Variants in C1GALT1 observed in about 807,000 individuals in gnomAD.
The protein encoded by C1GALT1 is core 1 synthase, glycoprotein-N-acetylgalactosamine 3-beta-galactosyltransferase 1.
Under a neutral mutation model 31.0 loss-of-function variants are expected in C1GALT1, and 11 were observed. That is an observed-to-expected ratio of 0.36 (90% CI 0.22 to 0.59). C1GALT1 has a LOEUF of 0.59. Ranked by LOEUF, C1GALT1 falls within the 20% of genes least tolerant of loss-of-function variation. The probability of loss-of-function intolerance (pLI) is 0.79; values close to 1 mark genes in which losing one functional copy is unlikely to be tolerated. For synonymous variants in C1GALT1, 175 were observed against 143.6 expected (o/e 1.22, Z -1.56); for missense variants, 424 against 425.2 (o/e 1.00, Z 0.03).
At chr7:7,211,046 G>C (rs570343245) in intron 1 of C1GALT1, among the ~76,000 whole-genome samples, 1 of 152,266 alleles carries the variant, frequency 6.6e-6, no homozygotes, top group East Asian at 1.9e-4. Context: ...TGCTGAAAAG[G>C]GGCATCATAT....
chr7:7,248,578 G>A lies in C1GALT1; in HGVS notation c.*4851G>A, dbSNP rs921989304. ...TGCCTTTTGAACATTTTTAAACAGC[G>A]GATTTAAATAATGCATAAAATAAAT... On this transcript the variant is annotated 3_prime_UTR_variant, in exon 4 of 4. Transcript: ENST00000436587. 2.6e-5 allele frequency: 4 copies of A among 151,744 alleles called. No homozygotes were observed. The highest frequency in any genetic ancestry group is 2.1e-4 in the South Asian group (1 of 4,820). 9.4% of individuals were successfully genotyped at this position (151,744 alleles called of 1,614,324 possible).
chr7:7,188,712 A>G (rs1780928082), intron 1 of C1GALT1, among the ~76,000 whole-genome samples: 2 of 152,238 alleles, frequency 1.3e-5, no homozygotes, highest in Non-Finnish European at 2.9e-5. Context: ...GAAACATTTA[A>G]AAAGCCAAGT....
upstream of C1GALT1, among the ~76,000 whole-genome samples, chr7:7,180,056 T>A (rs1780552980): frequency 1.3e-5 from 2 of 151,950 alleles, no homozygotes; most frequent in Non-Finnish European, 2.9e-5. Context: ...GAAATCAGAG[T>A]TCTACTAGTA....
rs572963593 is a variant in C1GALT1 at position 7,238,511 on chromosome 7, A to G, written c.477A>G (p.Leu159=). 2.5e-6 allele frequency: 4 copies of G among 1,614,144 alleles called. No individual in the cohort carries two copies. The South Asian group carries it at 4.4e-5, about 18-fold the overall frequency. The change falls in exon 3 of 4, where the codon TTA becomes TTG. Residue 159 remains leucine, a synonymous_variant. Coordinates refer to ENST00000436587, the MANE Select transcript of C1GALT1 (RefSeq NM_020156.5). This position sits in a 1 kb window ranked among gnomAD's most constrained non-coding sequence, Gnocchi z 5.2. ...TTCAGTATGTTCATGAACATTATTT[A>G]GAAGATGCTGATTGGTTTTTGAAAG... The part of the protein sequence containing the change: ...KAFQYVHEHY[L]EDADWFLKAD...
chr7:7,173,399 C>G (rs1054056138), intron 2 of C1GALT1, among the ~76,000 whole-genome samples: 3 of 152,060 alleles, frequency 2.0e-5, no homozygotes, highest in Non-Finnish European at 4.4e-5. Flanking sequence ...AACCATGAGC[C>G]AGTTAAACCT....
chr7:7,242,551 C>T (rs1783680478), intron 3 of C1GALT1, among the ~76,000 whole-genome samples: 1 of 152,000 alleles, frequency 6.6e-6, no homozygotes, highest in Admixed American at 6.5e-5. Context: ...GACTATCTCC[C>T]TCATTCTTTA....
At chr7:7,223,421 C>T (rs1237601552) in intron 1 of C1GALT1, among the ~76,000 whole-genome samples, 1 of 152,136 alleles carries the variant, frequency 6.6e-6, no homozygotes, top group African/African-American at 2.4e-5. Context: ...CCTCAGCCTC[C>T]GAAAGTGCTA....
At position 7,232,180 on chromosome 7, in the gene C1GALT1, C is replaced by G. The variant is rs17165417; in HGVS notation, c.-17-2123C>G. Reference sequence around the variant, plus strand: ...TTTTGGCCCTACTAATTCTCACTGCCTTGATATCTTACCAGTGTCTTCAAA... The same window carrying G: ...TTTTGGCCCTACTAATTCTCACTGCGTTGATATCTTACCAGTGTCTTCAAA... On this transcript the variant is annotated intron_variant, in intron 1 of 3. Transcript: ENST00000436587. Among the ~76,000 whole-genome samples the G allele has an allele frequency of 4.7e-3, 714 of 152,298 alleles. 7 individuals carry two copies. Among genetic ancestry groups the G allele is most frequent in the African/African-American group, 0.017 (687 of 41,556 alleles).
At chr7:7,180,634 A>G (rs1179221951), upstream of C1GALT1, among the ~76,000 whole-genome samples, 1 of 152,236 alleles carries the variant, frequency 6.6e-6, no homozygotes, top group African/African-American at 2.4e-5. Flanking sequence ...AGAAATGGTT[A>G]TCTCTATATT....
At chr7:7,234,605 G>A (rs1783250759) in intron 2 of C1GALT1, 66 bp downstream of exon 2, 1 of 1,165,408 alleles carries the variant, frequency 8.6e-7, no homozygotes, top group South Asian at 1.4e-5. Flanking sequence ...TCATATTCCT[G>A]TCTGTATCTG....
chr7:7,222,922 G>T (rs998999197), intron 1 of C1GALT1, among the ~76,000 whole-genome samples: 2 of 149,452 alleles, frequency 1.3e-5, no homozygotes, highest in Admixed American at 6.6e-5. Flanking sequence ...TTTTATGCTT[G>T]TGTGAAGATT....
At chr7:7,200,642 G>A (rs1209995965) in intron 1 of C1GALT1, among the ~76,000 whole-genome samples, 2 of 152,134 alleles carry the variant, frequency 1.3e-5, no homozygotes, top group Admixed American at 6.5e-5. Context: ...CCAATAAGAC[G>A]TAGATTTGGT....
At chr7:7,173,363 C>T (rs1389430537) in intron 2 of C1GALT1, among the ~76,000 whole-genome samples, 2 of 152,100 alleles carry the variant, frequency 1.3e-5, no homozygotes, top group African/African-American at 4.8e-5. Context: ...CAGAAGCCAG[C>T]ATCATGCTTC....
At chr7:7,212,193 C>G (rs1034430258) in intron 1 of C1GALT1, among the ~76,000 whole-genome samples, 2 of 152,132 alleles carry the variant, frequency 1.3e-5, no homozygotes, top group Non-Finnish European at 2.9e-5. Context: ...TTCTTGAGGT[C>G]CCAAGAAACT....
chr7:7,235,028 A>G (rs979379099), intron 2 of C1GALT1: 1 of 152,394 alleles, frequency 6.6e-6, no homozygotes, highest in Non-Finnish European at 1.5e-5. Flanking sequence ...TAAAGACTTC[A>G]TTTTCTCCTA....
At chr7:7,212,462 A>G (rs7786284) in intron 1 of C1GALT1, among the ~76,000 whole-genome samples, 6,226 of 152,300 alleles carry the variant, frequency 0.041, 283 homozygotes, top group African/African-American at 0.12. Context: ...CTATATTGCC[A>G]TAAGTTAAGA....
At chr7:7,208,074 T>C (rs75869684) in intron 1 of C1GALT1, among the ~76,000 whole-genome samples, 1 of 152,136 alleles carries the variant, frequency 6.6e-6, no homozygotes, top group Non-Finnish European at 1.5e-5. Flanking sequence ...GGGACATGAA[T>C]TATCCCTTTG....
chr7:7,195,302 G>A (rs1025058620), intron 1 of C1GALT1, among the ~76,000 whole-genome samples: 3 of 152,054 alleles, frequency 2.0e-5, no homozygotes, highest in African/African-American at 7.2e-5. Flanking sequence ...TTTGATGTAG[G>A]CATTCATTGC....
rs948411990 is a variant in C1GALT1 at position 7,244,760 on chromosome 7, G to A, written c.*1033G>A. 2 of 152,086 alleles carry A rather than the reference G, an allele frequency of 1.3e-5. No homozygotes were observed. The highest frequency in any genetic ancestry group is 4.8e-5 in the African/African-American group (2 of 41,418). The allele number at this position is 152,086 out of a possible 1,614,324, so 9.4% of individuals were successfully genotyped here. On this transcript the variant is annotated 3_prime_UTR_variant, in exon 4 of 4. Transcript: ENST00000436587. ...AGCAGAGTTTTAAAATTAGTTTATA[G>A]GATCTGAGGTGGCTATTAGTTACAG...
Sources: allele counts gnomAD v4.1 joint callset (sites outside exome capture counted in the v4.1 genomes callset), GRCh38; gene constraint gnomAD v4.1.1; non-coding constraint Gnocchi (gnomAD v3.1); transcripts MANE v1.5; gene names NCBI Gene and HGNC (gene_info 2026-07-23, HGNC 2026-07-21).